PALS2: variants seen among roughly 807,000 people sequenced by gnomAD.
The protein encoded by PALS2 is protein PALS2.
In PALS2, 27 loss-of-function variants were observed where a neutral mutation model predicts 61.6. The observed-to-expected ratio is 0.44, with a 90% CI of 0.32 to 0.60. PALS2 has a LOEUF of 0.60. PALS2 is among the 20% of genes least tolerant of loss of function. The pLI is 0.05. For missense variants in PALS2, 554 were observed against 639.4 expected (o/e 0.87, Z 1.44); for synonymous variants, 236 against 218.6 (o/e 1.08, Z -0.70).
intron 1 of PALS2, among the ~76,000 whole-genome samples, chr7:24,611,207 C>G (rs1784097932): frequency 6.6e-6 from 1 of 152,044 alleles, no homozygotes; most frequent in South Asian, 2.1e-4. Flanking sequence ...ATTTCCTTAA[C>G]ATAATAAACT....
intron 2 of PALS2, among the ~76,000 whole-genome samples, chr7:24,635,978 G>A (rs1042605858): frequency 5.9e-5 from 9 of 152,072 alleles, no homozygotes; most frequent in African/African-American, 2.2e-4. Context: ...TTGGGAGGCT[G>A]AGGCGGGCGG....
At chr7:24,630,055 T>G (rs1363679727) in intron 2 of PALS2, among the ~76,000 whole-genome samples, 1 of 152,110 alleles carries the variant, frequency 6.6e-6, no homozygotes, top group African/African-American at 2.4e-5. Context: ...CTATTCACAA[T>G]AGCAAAGACT....
At chr7:24,591,949 C>T (rs1301659075) in intron 1 of PALS2, among the ~76,000 whole-genome samples, 15 of 151,772 alleles carry the variant, frequency 9.9e-5, no homozygotes, top group Admixed American at 9.9e-4. Context: ...TGATTGGGGA[C>T]CATTTTGTGA....
At chr7:24,628,709 A>G (rs1562624539) in intron 2 of PALS2, among the ~76,000 whole-genome samples, 1 of 152,110 alleles carries the variant, frequency 6.6e-6, no homozygotes, top group Non-Finnish European at 1.5e-5. Flanking sequence ...AATAGACAAA[A>G]AGAGAGCCAA....
chr7:24,641,205 T>C (rs189190341), intron 2 of PALS2, among the ~76,000 whole-genome samples: 192 of 152,128 alleles, frequency 1.3e-3, no homozygotes, highest in African/African-American at 4.3e-3. Context: ...GACTTTTTTT[T>C]CCACTGATTT....
In PALS2 at chr7:24,665,596, T is replaced by G. The variant is rs1048985771; in HGVS notation, c.792T>G (p.His264Gln). The G allele has an allele frequency of 6.2e-6, 10 of 1,613,406 alleles. No homozygotes were observed. The South Asian group carries it at 8.8e-5, about 14-fold the overall frequency. The change falls in exon 7 of 12, where the codon CAT becomes CAG. Residue 264 changes from histidine to glutamine, a missense_variant. Physicochemically the swap from His to Gln is conservative, Grantham distance 24. Coordinates refer to ENST00000222644, the MANE Select transcript of PALS2 (RefSeq NM_001303037.2). ...CATTAATTTGATTCTAGGCTAGCCA[T>G]GTAAAAGAGGGAGGAAGCGCTGGTC... The part of the protein sequence containing the change: ...REDPNWWQAS[H>Q]VKEGGSAGLI...
intron 2 of PALS2, among the ~76,000 whole-genome samples, chr7:24,635,985 G>T (rs1030387422): frequency 1.3e-5 from 2 of 152,042 alleles, no homozygotes; most frequent in African/African-American, 4.8e-5. Flanking sequence ...GCTGAGGCGG[G>T]CGGATCACCT....
chr7:24,582,011 A>C (rs1782864575), intron 1 of PALS2, among the ~76,000 whole-genome samples: 1 of 152,216 alleles, frequency 6.6e-6, no homozygotes, highest in African/African-American at 2.4e-5. Context: ...ATTCTTATAT[A>C]AGCCAATGCA....
At chr7:24,649,120 C>T (rs968544360) in intron 3 of PALS2, among the ~76,000 whole-genome samples, 9 of 151,910 alleles carry the variant, frequency 5.9e-5, no homozygotes, top group Non-Finnish European at 8.8e-5. Flanking sequence ...TAATATTTAT[C>T]CATTTTCTGT....
intron 1 of PALS2, among the ~76,000 whole-genome samples, chr7:24,614,363 C>T (rs1784218050): frequency 6.6e-6 from 1 of 151,624 alleles, no homozygotes; most frequent in South Asian, 2.1e-4. Flanking sequence ...GTTCTGAAAC[C>T]TGACTAAATT....
intron 1 of PALS2, among the ~76,000 whole-genome samples, chr7:24,603,601 A>G (rs1783791921): frequency 6.6e-6 from 1 of 152,218 alleles, no homozygotes; most frequent in African/African-American, 2.4e-5. Flanking sequence ...CTGAGAGTGA[A>G]GTCTTAAAAG....
intron 5 of PALS2, chr7:24,663,385 A>C: frequency 2.5e-6 from 1 of 392,722 alleles, no homozygotes; most frequent in Non-Finnish European, 4.4e-6. Context: ...ATATTAAAGT[A>C]GAGAAGAAGT....
At chr7:24,641,123 A>C (rs1583927129) in intron 2 of PALS2, among the ~76,000 whole-genome samples, 1 of 152,088 alleles carries the variant, frequency 6.6e-6, no homozygotes, top group East Asian at 1.9e-4. Context: ...ACTTATAAAG[A>C]CAGATGATCA....
chr7:24,645,583 T>C (rs758786628), intron 3 of PALS2, among the ~76,000 whole-genome samples: 106 of 152,224 alleles, frequency 7.0e-4, no homozygotes, highest in Non-Finnish European at 1.3e-3. Flanking sequence ...TTGCTTAAGA[T>C]TGCCTTGGCT....
chr7:24,685,517 A>G (rs1788149013), intron 11 of PALS2, among the ~76,000 whole-genome samples: 1 of 152,168 alleles, frequency 6.6e-6, no homozygotes, highest in Non-Finnish European at 1.5e-5. Flanking sequence ...TTATACATAA[A>G]TCATACCTTA....
chr7:24,607,755 A>G (rs1783971197), intron 1 of PALS2, among the ~76,000 whole-genome samples: 1 of 151,976 alleles, frequency 6.6e-6, no homozygotes, highest in Non-Finnish European at 1.5e-5. Flanking sequence ...AGCAGCCTGT[A>G]TGTCTTTCAG....
chr7:24,613,214 T>C (rs1210814965), intron 1 of PALS2, among the ~76,000 whole-genome samples: 1 of 151,806 alleles, frequency 6.6e-6, no homozygotes, highest in Admixed American at 6.6e-5. Context: ...TATTCTTAAA[T>C]CTCTCCAGAT....
intron 3 of PALS2, among the ~76,000 whole-genome samples, chr7:24,647,272 A>G (rs1182224617): frequency 3.3e-5 from 5 of 151,280 alleles, no homozygotes; most frequent in Admixed American, 3.3e-4. Flanking sequence ...TCAGCCTCCC[A>G]AGTAGCTGGG....
At chr7:24,608,048 T>C (rs2128050787) in intron 1 of PALS2, among the ~76,000 whole-genome samples, 1 of 152,330 alleles carries the variant, frequency 6.6e-6, no homozygotes, top group African/African-American at 2.4e-5. Context: ...TGTGTGTTTA[T>C]ATACACATAC....
Sources: allele counts gnomAD v4.1 joint callset (sites outside exome capture counted in the v4.1 genomes callset), GRCh38; gene constraint gnomAD v4.1.1; transcripts MANE v1.5; gene names NCBI Gene and HGNC (gene_info 2026-07-23, HGNC 2026-07-21).